Variants in CA9 observed in about 807,000 individuals in gnomAD.
The protein encoded by CA9 is carbonic anhydrase 9.
CA9 carries 43 observed loss-of-function variants against 51.8 expected under a neutral mutation model. That is an observed-to-expected ratio of 0.83 (90% CI 0.65 to 1.07). The LOEUF (loss-of-function observed/expected upper bound fraction) is 1.07. CA9 is among the 50% of genes least tolerant of loss of function. The pLI is 0.00. For missense variants in CA9, 574 were observed against 581.4 expected, an observed-to-expected ratio of 0.99 and a Z score of 0.13; for synonymous variants, 253 against 244.2, an observed-to-expected ratio of 1.04 and a Z score of -0.34.
intron 5 of CA9, 59 bp from the exon 6 acceptor site, chr9:35,677,731 G>A (rs1057180414): frequency 3.8e-5 from 52 of 1,368,800 alleles, no homozygotes; most frequent in Non-Finnish European, 4.5e-5. Flanking sequence ...TTCATGTTCC[G>A]GCCTTCAGCC....
chr9:35,674,105 T>G lies in CA9; in HGVS notation c.146T>G (p.Leu49Trp). The change falls in exon 1 of 11, where the codon TTG (leucine) becomes TGG (tryptophan). Residue 49 changes from leucine to tryptophan, a missense_variant. Transcript: ENST00000378357. ...CCCCGGATGCAGGAGGATTCCCCCT[T>G]GGGAGGAGGCTCTTCTGGGGAAGAT... is the stretch of plus-strand genomic sequence containing the variant. ...RLPRMQEDSPLGGGSSGEDDP... is the reference protein window; with the variant it reads ...RLPRMQEDSPWGGGSSGEDDP... 6.2e-7 allele frequency: 1 copy of G among 1,614,080 alleles called. No homozygotes were observed. The highest frequency in any genetic ancestry group is 2.2e-5 in the East Asian group (1 of 44,878).
intron 1 of CA9, 29 bp downstream of exon 1, chr9:35,674,391 G>A (rs776379775): frequency 5.7e-6 from 9 of 1,580,152 alleles, no homozygotes; most frequent in Non-Finnish European, 6.0e-6. Flanking sequence ...CCAAATCCAG[G>A]TTCCAGGAGG....
chr9:35,679,313 A>C lies in CA9; in HGVS notation c.1036A>C (p.Asn346His). The C allele has an allele frequency of 1.2e-6, 2 of 1,614,026 alleles. No individual in the cohort carries two copies. The highest frequency in any genetic ancestry group is 1.7e-5 in the Admixed American group (1 of 59,994). ...CAQGVIWTVF[N>H]QTVMLSAKQL... Reference sequence around the variant, plus strand: ...CCAGGGTGTCATCTGGACTGTGTTTAACCAGACAGTGATGCTGAGTGCTAA... The same window carrying C: ...CCAGGGTGTCATCTGGACTGTGTTTCACCAGACAGTGATGCTGAGTGCTAA... Residue 346 changes from asparagine (N) to histidine (H), a missense_variant, in exon 7 of 11, where the codon AAC becomes CAC. Physicochemically the swap from Asn to His is moderately conservative, Grantham distance 68. Coordinates refer to ENST00000378357, the MANE Select transcript of CA9 (RefSeq NM_001216.3).
intron 1 of CA9, 125 bp downstream of exon 1, chr9:35,674,487 A>G (rs1824379672): frequency 2.4e-6 from 2 of 838,644 alleles, no homozygotes; most frequent in Non-Finnish European, 3.7e-6. Context: ...AAGCCCTTCC[A>G]GAGGTCCCAT....
At position 35,680,248 on chromosome 9, in the gene CA9, A is replaced by AC. The variant is rs1228396147; in HGVS notation, c.1237+113dup. The AC allele has an allele frequency of 4.5e-5, 54 of 1,212,762 alleles. No homozygotes were observed. In the East Asian group the frequency reaches 1.2e-3, roughly 28 times the overall value. 75.1% of individuals were successfully genotyped at this position (1,212,762 alleles called of 1,614,324 possible). On this transcript the variant is annotated intron_variant, in intron 9 of 10. Coordinates refer to ENST00000378357, the MANE Select transcript of CA9 (RefSeq NM_001216.3). ...CTCCCTCTCCTTTTCTGCAGAACAG[A>AC]CCCCAACCCCAATATTAGAGAGGCA...
intron 7 of CA9, 50 bp downstream of exon 7, chr9:35,679,392 T>C (rs1175102884): frequency 3.8e-6 from 6 of 1,568,838 alleles, no homozygotes; most frequent in African/African-American, 1.4e-5. Flanking sequence ...AAAGAGGATG[T>C]AAGATGAGAT....
Position 35,676,134 on chromosome 9 carries a change from G to A in CA9, c.675G>A (p.Leu225=). The change falls in exon 4 of 11, where the codon CTG becomes CTA. Residue 225 remains leucine, a synonymous_variant. Coordinates refer to ENST00000378357, the MANE Select transcript of CA9 (RefSeq NM_001216.3). ...GGCGGGAGTACCGGGCTCTGCAGCT[G>A]CATCTGCACTGGGGGGCTGCAGGTC... The part of the protein sequence containing the change: ...GPGREYRALQ[L]HLHWGAAGRP... 1.2e-6 allele frequency: 2 copies of A among 1,613,624 alleles called. No individual in the cohort carries two copies. The highest frequency in any genetic ancestry group is 1.7e-6 in the Non-Finnish European group (2 of 1,179,814).
In CA9 at chr9:35,675,880, T is replaced by TGGGGCCCCCTGGAAC; in HGVS notation, c.553_554insGGGGCCCCCTGGAAC (p.Phe185delinsTrpGlyProLeuGluLeu). Reference sequence around the variant, plus strand: ...CCTGCGCCCCCTGGAACTCCTGGGCTTCCAGCTCCCGCCGCTCCCAGAACT... The same window carrying TGGGGCCCCCTGGAAC: ...CCTGCGCCCCCTGGAACTCCTGGGCTGGGGCCCCCTGGAACTCCAGCTCCCGCCGCTCCCAGAACT... On this transcript the variant is annotated protein_altering_variant, in exon 3 of 11. Coordinates refer to ENST00000378357, the MANE Select transcript of CA9 (RefSeq NM_001216.3). 1.9e-6 allele frequency: 3 copies of TGGGGCCCCCTGGAAC among 1,606,768 alleles called. No individual in the cohort carries two copies. Among genetic ancestry groups the TGGGGCCCCCTGGAAC allele is most frequent in the Non-Finnish European group, 2.5e-6 (3 of 1,179,000 alleles).
chr9:35,675,833 A>C lies in CA9; in HGVS notation c.506A>C (p.Gln169Pro). 1.2e-6 allele frequency: 2 copies of C among 1,603,868 alleles called. No homozygotes were observed. Among genetic ancestry groups the C allele is most frequent in the Non-Finnish European group, 1.7e-6 (2 of 1,179,340 alleles). ...RFQSPVDIRPQLAAFCPALRP... is the reference protein window; with the variant it reads ...RFQSPVDIRPPLAAFCPALRP... Reference sequence around the variant, plus strand: ...CAGTCCCCGGTGGATATCCGCCCCCAGCTCGCCGCCTTCTGCCCGGCCCTG... The same window carrying C: ...CAGTCCCCGGTGGATATCCGCCCCCCGCTCGCCGCCTTCTGCCCGGCCCTG... Residue 169 changes from glutamine to proline, a missense_variant, in exon 3 of 11, where the codon CAG becomes CCG. Gln to Pro is a moderately conservative substitution (Grantham distance 76, BLOSUM62 -1). Transcript: ENST00000378357.
Position 35,675,846 on chromosome 9 carries a change from C to T in CA9, c.519C>T (p.Phe173=). The change falls in exon 3 of 11, where the codon TTC becomes TTT. Residue 173 remains phenylalanine (F), a synonymous_variant. Transcript: ENST00000378357. ...PVDIRPQLAA[F]CPALRPLELL... ...ATATCCGCCCCCAGCTCGCCGCCTT[C>T]TGCCCGGCCCTGCGCCCCCTGGAAC... 1 of 1,604,678 alleles carries T rather than the reference C, an allele frequency of 6.2e-7. No homozygotes were observed. Among genetic ancestry groups the T allele is most frequent in the Non-Finnish European group, 8.5e-7 (1 of 1,179,440 alleles).
intron 1 of CA9, 185 bp from the exon 2 acceptor site, chr9:35,675,353 T>A: frequency 1.6e-6 from 1 of 644,004 alleles, no homozygotes; most frequent in Admixed American, 2.5e-5. Context: ...GTAGGATTGC[T>A]GTTTGGCCCA....
At chr9:35,678,702 T>TC (rs1172136477) in intron 6 of CA9, among the ~76,000 whole-genome samples, 16 of 145,450 alleles carry the variant, frequency 1.1e-4, no homozygotes, top group Admixed American at 4.7e-4. Flanking sequence ...TTTCTTTTCT[T>TC]TTTTTTTTTT....
chr9:35,677,785 C>G lies in CA9; in HGVS notation c.841-5C>G, dbSNP rs762030708. ...ACTCATCTGTCTTACAATGTCATCC[C>G]CCAGGAGGGCCCGGAAGAAAACAGT... On this transcript the variant is annotated splice_polypyrimidine_tract_variant and splice_region_variant and intron_variant, in intron 5 of 10. Coordinates refer to ENST00000378357, the MANE Select transcript of CA9 (RefSeq NM_001216.3). 3.1e-6 allele frequency: 5 copies of G among 1,613,478 alleles called. No individual in the cohort carries two copies. In the South Asian group the frequency reaches 5.5e-5, roughly 18 times the overall value.
rs1238757169 is a variant in CA9, at chr9:35,680,114, C to T, written c.1212C>T (p.Val404=). 6.2e-7 allele frequency: 1 copy of T among 1,614,186 alleles called. No individual in the cohort carries two copies. Among genetic ancestry groups the T allele is most frequent in the East Asian group, 2.2e-5 (1 of 44,878 alleles). The change falls in exon 9 of 11, where the codon GTC becomes GTT. Residue 404 remains valine, a splice_region_variant and synonymous_variant. Coordinates refer to ENST00000378357, the MANE Select transcript of CA9 (RefSeq NM_001216.3). Reference sequence around the variant, plus strand: ...CTCACATCTCCTTTTTCTCTCCAGTCCAGCTGAATTCCTGCCTGGCTGCTG... The same window carrying T: ...CTCACATCTCCTTTTTCTCTCCAGTTCAGCTGAATTCCTGCCTGGCTGCTG... ...VDSSPRAAEP[V]QLNSCLAAGD...
At position 35,676,107 on chromosome 9, in the gene CA9, CG is replaced by C. The variant is rs1824415914; in HGVS notation, c.651del (p.Arg218GlyfsTer114). The C allele has an allele frequency of 6.2e-7, 1 of 1,613,550 alleles. No individual in the cohort carries two copies. Among genetic ancestry groups the C allele is most frequent in the Non-Finnish European group, 8.5e-7 (1 of 1,179,884 alleles). ...CTGGGCTAGAGATGGCTCTGGGTCC[CG>C]GGCGGGAGTACCGGGCTCTGCAGCT... ...PPGLEMALGPGREYRALQLHL... is the reference protein window; with the variant it reads ...PPGLEMALGPXREYRALQLHL... On this transcript the variant is annotated frameshift_variant, in exon 4 of 11. Coordinates refer to ENST00000378357, the MANE Select transcript of CA9 (RefSeq NM_001216.3). LOFTEE classifies it high-confidence loss of function.
chr9:35,679,268 C>T lies in CA9; in HGVS notation c.991C>T (p.Leu331=). 1 of 1,614,196 alleles carries T rather than the reference C, an allele frequency of 6.2e-7. No homozygotes were observed. Among genetic ancestry groups the T allele is most frequent in the East Asian group, 2.2e-5 (1 of 44,886 alleles). The change falls in exon 7 of 11, where the codon CTG becomes TTG. Residue 331 remains leucine, a synonymous_variant. Coordinates refer to ENST00000378357, the MANE Select transcript of CA9 (RefSeq NM_001216.3). ...FSRYFQYEGS[L]TTPPCAQGVI... ...CCGCTACTTCCAATATGAGGGGTCTCTGACTACACCGCCCTGTGCCCAGGG... is the reference window on the plus strand; with the variant it reads ...CCGCTACTTCCAATATGAGGGGTCTTTGACTACACCGCCCTGTGCCCAGGG...
At position 35,674,142 on chromosome 9, in the gene CA9, C is replaced by T. The variant is rs377058222; in HGVS notation, c.183C>T (p.Gly61=). ...CTTCTGGGGAAGATGACCCACTGGG[C>T]GAGGAGGATCTGCCCAGTGAAGAGG... The part of the protein sequence containing the change: ...GGSSGEDDPL[G]EEDLPSEEDS... Residue 61 remains glycine, a synonymous_variant, in exon 1 of 11, where the codon GGC becomes GGT. Coordinates refer to ENST00000378357, the MANE Select transcript of CA9 (RefSeq NM_001216.3). 374 of 1,614,100 alleles carry T rather than the reference C, an allele frequency of 2.3e-4. 1 individual carries two copies. In the South Asian group the frequency reaches 3.5e-3, roughly 15 times the overall value.
Position 35,681,159 on chromosome 9 carries a change from A to G in CA9, c.*134A>G. 3.7e-6 allele frequency: 2 copies of G among 533,504 alleles called. No homozygotes were observed. Among genetic ancestry groups the G allele is most frequent in the Non-Finnish European group, 6.3e-6 (2 of 318,970 alleles). 33.0% of individuals were successfully genotyped at this position (533,504 alleles called of 1,614,324 possible). A position where few individuals can be genotyped will look rare whatever the true frequency, so the allele number is the denominator to read the frequency against. ...TTTTAAAATAAATATTTATAATAAAATATGTGTTAGTCACCTTTGTTCCCC... is the reference window on the plus strand; with the variant it reads ...TTTTAAAATAAATATTTATAATAAAGTATGTGTTAGTCACCTTTGTTCCCC... On this transcript the variant is annotated 3_prime_UTR_variant, in exon 11 of 11. Coordinates refer to ENST00000378357, the MANE Select transcript of CA9 (RefSeq NM_001216.3).
In CA9 at chr9:35,681,023, T is replaced by C; in HGVS notation, c.1378T>C (p.Ter460GlnextTer15). ...RPAEVAETGA[*>Q] ...AGCAGAGGTAGCCGAGACTGGAGCC[T>C]AGAGGCTGGATCTTGGAGAATGTGA... is the stretch of plus-strand genomic sequence containing the variant. The change falls in exon 11 of 11, where the codon TAG (stop) becomes CAG (glutamine). Residue 460 changes from the stop codon to glutamine (Q), a stop_lost. Coordinates refer to ENST00000378357, the MANE Select transcript of CA9 (RefSeq NM_001216.3). 1 of 1,613,698 alleles carries C rather than the reference T, an allele frequency of 6.2e-7. No homozygotes were observed. Among genetic ancestry groups the C allele is most frequent in the East Asian group, 2.2e-5 (1 of 44,876 alleles).
Sources: gnomAD v4.1 joint callset for allele counts (sites outside exome capture counted in the v4.1 genomes callset) on GRCh38, gnomAD v4.1.1 for gene constraint, MANE v1.5 for transcripts, NCBI Gene and HGNC (gene_info 2026-07-23, HGNC 2026-07-21) for gene names.